Variants in ZNF10 observed in about 807,000 individuals in gnomAD.
ZNF10 encodes the protein zinc finger protein 10.
Under a neutral mutation model 12.2 loss-of-function variants are expected in ZNF10, and 8 were observed. That is an observed-to-expected ratio of 0.66 (90% confidence interval 0.39 to 1.18). The LOEUF is 1.18. Ranked by LOEUF, ZNF10 falls within the 50% of genes most tolerant of loss-of-function variation. The pLI, the probability that ZNF10 is intolerant of heterozygous loss-of-function variation, is 0.01. For missense variants in ZNF10, 603 were observed against 678.9 expected (o/e 0.89, Z 1.24); for synonymous variants, 229 against 228.2 (o/e 1.00, Z -0.03).
chr12:133,149,447 T>C (rs1955995458), intron 2 of ZNF10, among the ~76,000 whole-genome samples: 1 of 145,716 alleles, frequency 6.9e-6, no homozygotes, highest in Admixed American at 7.0e-5. Context: ...AACATCTGGC[T>C]CCTGGGTTCA....
chr12:133,138,503 A>G (rs949663974), intron 1 of ZNF10, among the ~76,000 whole-genome samples: 3 of 152,208 alleles, frequency 2.0e-5, no homozygotes, highest in Admixed American at 2.0e-4. Flanking sequence ...GGATGCCAGT[A>G]CTATTTCCAG....
chr12:133,140,444 T>A (rs1321905311), intron 1 of ZNF10, among the ~76,000 whole-genome samples: 2 of 145,230 alleles, frequency 1.4e-5, no homozygotes, highest in Non-Finnish European at 3.1e-5. Context: ...TTTTTTTTTT[T>A]TTAAATAAGT....
chr12:133,147,423 A>C (rs1271132842), intron 2 of ZNF10, among the ~76,000 whole-genome samples: 2 of 152,196 alleles, frequency 1.3e-5, no homozygotes, highest in Non-Finnish European at 2.9e-5. Context: ...GGTATCACAC[A>C]TTTTAAAAGT....
rs186991209 is a variant in ZNF10, at chr12:133,136,214, C to T, written c.-60+5460C>T. 3.3e-5 allele frequency among the ~76,000 whole-genome samples: 5 copies of T among 152,160 alleles called. No homozygotes were observed. In the East Asian group the frequency reaches 7.7e-4, roughly 24 times the overall value. On this transcript the variant is annotated intron_variant, in intron 1 of 4. Transcript: ENST00000248211. ...CCCCTTCTCTCTCCTCTAGTTCCAA[C>T]TCCCTTGTCTATTAATTGCTTCCTC...
intron 4 of ZNF10, among the ~76,000 whole-genome samples, chr12:133,152,972 G>A (rs1279691547): frequency 6.6e-6 from 1 of 152,034 alleles, no homozygotes; most frequent in African/African-American, 2.4e-5. Flanking sequence ...TGCCTTGTAG[G>A]TGATTGTATC....
intron 4 of ZNF10, among the ~76,000 whole-genome samples, chr12:133,152,225 G>A (rs1011579254): frequency 6.6e-6 from 1 of 152,104 alleles, no homozygotes; most frequent in Non-Finnish European, 1.5e-5. Flanking sequence ...GTTCTTTCAT[G>A]TGACCCCTTC....
At chr12:133,142,945 A>G (rs1236288099) in intron 1 of ZNF10, among the ~76,000 whole-genome samples, 1 of 152,232 alleles carries the variant, frequency 6.6e-6, no homozygotes, top group Non-Finnish European at 1.5e-5. Flanking sequence ...GAAACAATGC[A>G]AGTGTTCATC....
At chr12:133,145,867 T>G (rs1223525202) in intron 2 of ZNF10, among the ~76,000 whole-genome samples, 2 of 135,490 alleles carry the variant, frequency 1.5e-5, no homozygotes, top group Non-Finnish European at 3.0e-5. Flanking sequence ...TGTACAGATT[T>G]GACCACAGGT....
rs767587711 is a variant in ZNF10, at chr12:133,147,782, AT to A, written c.34-3228del. ...AGGTGCATGACGCCATGCCTGGCTA[AT>A]TTTTTTTTTTTTTTTTTGTATTTTA... is the stretch of plus-strand genomic sequence containing the variant. On this transcript the variant is annotated intron_variant, in intron 2 of 4. Coordinates refer to ENST00000248211, the MANE Select transcript of ZNF10 (RefSeq NM_015394.5). Among the ~76,000 whole-genome samples, 695 of 135,366 alleles carry A rather than the reference AT, an allele frequency of 5.1e-3. 2 individuals carry two copies. The highest frequency in any genetic ancestry group is 9.3e-3 in the African/African-American group (345 of 36,988). 88.8% of individuals were successfully genotyped at this position (135,366 alleles called of 152,430 possible).
rs1008919297 is a variant in ZNF10 at position 133,156,469 on chromosome 12, A to G, written c.1223A>G (p.Asn408Ser). 4 of 1,613,648 alleles carry G rather than the reference A, an allele frequency of 2.5e-6. No homozygotes were observed. The highest frequency in any genetic ancestry group is 2.5e-6 in the Non-Finnish European group (3 of 1,179,850). ...THVRVRPYEC[N>S]ECGKSYSQRS... ...GTGAGAGTGAGGCCCTATGAATGCA[A>G]TGAATGTGGAAAGTCTTACAGCCAG... The change falls in exon 5 of 5, where the codon AAT becomes AGT. Residue 408 changes from asparagine to serine, a missense_variant. Around this residue, in one of 3 missense-constraint regions of ZNF10, gnomAD observed 204 missense variants for 262.8 expected, o/e 0.78. Transcript: ENST00000248211.
intron 1 of ZNF10, among the ~76,000 whole-genome samples, chr12:133,140,819 T>C (rs766298690): frequency 1.3e-4 from 20 of 152,232 alleles, no homozygotes; most frequent in African/African-American, 3.4e-4. Context: ...GGTTTCCTTT[T>C]CAGTTTTATG....
chr12:133,134,479 T>G (rs1410959084), intron 1 of ZNF10, among the ~76,000 whole-genome samples: 5 of 152,142 alleles, frequency 3.3e-5, no homozygotes, highest in South Asian at 2.1e-4. Flanking sequence ...AGGAAATAGA[T>G]TCTTCTCTAG....
In ZNF10 at chr12:133,155,970, G is replaced by A; in HGVS notation, c.724G>A (p.Asp242Asn). 6.2e-7 allele frequency: 1 copy of A among 1,614,016 alleles called. No individual in the cohort carries two copies. The highest frequency in any genetic ancestry group is 1.1e-5 in the South Asian group (1 of 91,082). ...AGGTGATAAATCCTACAAATGCCCT[G>A]ATAATGACAACTCTCTTACTCATGG... The part of the protein sequence containing the change: ...HTGDKSYKCP[D>N]NDNSLTHGSS... Residue 242 changes from aspartate to asparagine, a missense_variant, in exon 5 of 5, where the codon GAT becomes AAT. By Grantham distance (23) the Asp-to-Asn change is conservative. Around this residue, in one of 3 missense-constraint regions of ZNF10, gnomAD observed 393 missense variants for 399.7 expected, o/e 0.98. Coordinates refer to ENST00000248211, the MANE Select transcript of ZNF10 (RefSeq NM_015394.5).
Position 133,156,588 on chromosome 12 carries a change from C to T in ZNF10, c.1342C>T (p.Leu448Phe). 6.2e-7 allele frequency: 1 copy of T among 1,613,764 alleles called. No individual in the cohort carries two copies. Among genetic ancestry groups the T allele is most frequent in the Non-Finnish European group, 8.5e-7 (1 of 1,179,924 alleles). Residue 448 changes from leucine to phenylalanine, a missense_variant, in exon 5 of 5, where the codon CTT becomes TTT. By Grantham distance (22) the Leu-to-Phe change is conservative. Around this residue, in one of 3 missense-constraint regions of ZNF10, gnomAD observed 204 missense variants for 262.8 expected, o/e 0.78. Transcript: ENST00000248211. ...AAAATGTTTTAGTCGAAGCTCTCACCTTTATTCACATCAAAGAACCCACAC... is the reference window on the plus strand; with the variant it reads ...AAAATGTTTTAGTCGAAGCTCTCACTTTTATTCACATCAAAGAACCCACAC... Reference protein sequence around the residue: ...CGKCFSRSSHLYSHQRTHTGE... With the variant: ...CGKCFSRSSHFYSHQRTHTGE...
At chr12:133,155,076 C>CAA (rs11340550) in intron 4 of ZNF10, among the ~76,000 whole-genome samples, 10 of 115,010 alleles carry the variant, frequency 8.7e-5, no homozygotes, top group Non-Finnish European at 1.7e-4. Context: ...GAAACTGTCT[C>CAA]AAAAAAAAAA....
intron 1 of ZNF10, among the ~76,000 whole-genome samples, chr12:133,132,977 T>C (rs1437588404): frequency 6.6e-6 from 1 of 152,260 alleles, no homozygotes; most frequent in African/African-American, 2.4e-5. Context: ...TTTAAATTTT[T>C]TTCAAAGTAA....
rs974315313 is a variant in ZNF10, at chr12:133,157,341, TAC to T, written c.*375_*376del. On this transcript the variant is annotated 3_prime_UTR_variant, in exon 5 of 5. Coordinates refer to ENST00000248211, the MANE Select transcript of ZNF10 (RefSeq NM_015394.5). ...GTTGTTGCTGAGAATTAAGAAATGATACAGTTAATGCAACAAAAGATGGAAAA... is the reference window on the plus strand; with the variant it reads ...GTTGTTGCTGAGAATTAAGAAATGATAGTTAATGCAACAAAAGATGGAAAA... 6.1e-6 allele frequency: 1 copy of T among 164,516 alleles called. No individual in the cohort carries two copies. The highest frequency in any genetic ancestry group is 1.3e-5 in the Non-Finnish European group (1 of 76,772). 10.2% of individuals were successfully genotyped at this position (164,516 alleles called of 1,614,324 possible).
chr12:133,132,044 A>G (rs1054073321), intron 1 of ZNF10, among the ~76,000 whole-genome samples: 1 of 152,200 alleles, frequency 6.6e-6, no homozygotes, highest in Non-Finnish European at 1.5e-5. Context: ...AAGGAAATAT[A>G]TAAGCTAATA....
At position 133,157,811 on chromosome 12, in the gene ZNF10, T is replaced by C. The variant is rs902966046; in HGVS notation, c.*843T>C. ...CAGAGTTCCACTTTTTCCACTCTTA[T>C]TAGCACTGCAAAAGCTCCTGAGAAT... On this transcript the variant is annotated 3_prime_UTR_variant, in exon 5 of 5. Transcript: ENST00000248211. The C allele has an allele frequency of 1.3e-5, 2 of 152,188 alleles. No homozygotes were observed. Among genetic ancestry groups the C allele is most frequent in the Admixed American group, 6.5e-5 (1 of 15,280 alleles). The allele number at this position is 152,188 out of a possible 1,614,324, so 9.4% of individuals were successfully genotyped here. A position where few individuals can be genotyped will look rare whatever the true frequency, so the allele number is the denominator to read the frequency against.
Sources: gnomAD v4.1 joint callset for allele counts (sites outside exome capture counted in the v4.1 genomes callset) on GRCh38, gnomAD v4.1.1 for gene constraint, gnomAD v4.1.1 regional missense constraint, MANE v1.5 for transcripts, NCBI Gene and HGNC (gene_info 2026-07-23, HGNC 2026-07-21) for gene names.